The following BOP1 variants were observed in gnomAD, a reference collection of about 807,000 sequenced individuals.
The protein encoded by BOP1 is ribosome biogenesis protein BOP1.
Under a neutral mutation model 82.9 loss-of-function variants are expected in BOP1, and 54 were observed. That is an observed-to-expected ratio of 0.65 (90% confidence interval 0.52 to 0.82). The LOEUF is 0.82. BOP1 is among the 40% of genes least tolerant of loss of function. BOP1 has a pLI of 0.00. For synonymous variants in BOP1, 566 were observed against 451.1 expected (o/e 1.25, Z -3.23); for missense variants, 1,170 against 1,072.0 (o/e 1.09, Z -1.28).
At position 144,263,226 on chromosome 8, in the gene BOP1, C is replaced by A; in HGVS notation, c.1600G>T (p.Gly534Trp). ...QVGLRLRICH[G>W]KPVTQVTWHG... Reference sequence around the variant, plus strand: ...CCCCAAGGCGCCCCACGTACCTTCCCGTGGCAGATGCGCAGCCGCAGGCCC... The same window carrying A: ...CCCCAAGGCGCCCCACGTACCTTCCAGTGGCAGATGCGCAGCCGCAGGCCC... The change falls in exon 12 of 16, where the codon GGG becomes TGG. Residue 534 changes from glycine to tryptophan, a missense_variant. By Grantham distance (184) the Gly-to-Trp change is radical. Transcript: ENST00000569669. 6.3e-7 allele frequency: 1 copy of A among 1,594,802 alleles called. No individual in the cohort carries two copies.
At chr8:144,276,568 G>A (rs1015226884) in intron 2 of BOP1, among the ~76,000 whole-genome samples, 12 of 152,114 alleles carry the variant, frequency 7.9e-5, no homozygotes, top group Admixed American at 2.0e-4. Context: ...GGGCTGACAC[G>A]GGTGTCAGGC....
At chr8:144,278,771 C>T (rs1363147676) in intron 2 of BOP1, among the ~76,000 whole-genome samples, 4 of 152,210 alleles carry the variant, frequency 2.6e-5, no homozygotes, top group African/African-American at 7.2e-5. Flanking sequence ...CCACGCTAGC[C>T]GCAGGGTGCC....
chr8:144,273,162 G>A (rs1287235218), intron 3 of BOP1, among the ~76,000 whole-genome samples: 2 of 152,258 alleles, frequency 1.3e-5, no homozygotes, highest in African/African-American at 2.4e-5. Flanking sequence ...GGGCCAGGAC[G>A]CGGGGGCGGG....
chr8:144,288,426 G>T (rs1814942499), intron 2 of BOP1, among the ~76,000 whole-genome samples: 1 of 150,780 alleles, frequency 6.6e-6, no homozygotes, highest in Admixed American at 6.6e-5. Flanking sequence ...TACTAGAGAG[G>T]CTGAGGCAGG....
Position 144,264,976 on chromosome 8 carries a change from G to T in BOP1, c.486C>A (p.Pro162=), listed in dbSNP as rs1845323693. 1.9e-6 allele frequency: 3 copies of T among 1,612,308 alleles called. No homozygotes were observed. The African/African-American group carries it at 4.0e-5, about 22-fold the overall frequency. Residue 162 remains proline, a synonymous_variant, in exon 4 of 16, where the codon CCC becomes CCA. Transcript: ENST00000569669. ...YDLDGRRIYK[P]LRTRDELDQF... is the part of the protein sequence containing the mutation. ...GGTCCAGCTCATCCCGGGTCCGCAGGGGCTTGTAGATGCGCCTGCCATCCA... is the reference window on the plus strand; with the variant it reads ...GGTCCAGCTCATCCCGGGTCCGCAGTGGCTTGTAGATGCGCCTGCCATCCA...
intron 2 of BOP1, among the ~76,000 whole-genome samples, chr8:144,285,696 A>G (rs1814847326): frequency 6.6e-6 from 1 of 152,238 alleles, no homozygotes; most frequent in Non-Finnish European, 1.5e-5. Context: ...TGATTCTAGA[A>G]GCCGCTCAAC....
At chr8:144,286,055 G>C (rs1302006959) in intron 2 of BOP1, among the ~76,000 whole-genome samples, 1 of 152,232 alleles carries the variant, frequency 6.6e-6, no homozygotes, top group Non-Finnish European at 1.5e-5. Context: ...CTGCACAATG[G>C]GAAAGGACTC....
chr8:144,290,707 A>ACAAAG (rs1815033181), intron 1 of BOP1, among the ~76,000 whole-genome samples: 1 of 152,216 alleles, frequency 6.6e-6, no homozygotes, highest in Admixed American at 6.5e-5. Context: ...AATTCGCTTC[A>ACAAAG]CAAAGCAATG....
chr8:144,289,024 G>T, intron 2 of BOP1, 71 bp downstream of exon 2: 2 of 1,517,230 alleles, frequency 1.3e-6, no homozygotes, highest in Non-Finnish European at 1.8e-6. Flanking sequence ...GCAGTACAGT[G>T]GCAGTCTCAG....
chr8:144,267,057 C>G, intron 3 of BOP1: 1 of 1,481,744 alleles, frequency 6.7e-7, no homozygotes. Flanking sequence ...CCGGGCCCGC[C>G]TTCTTCCACG....
At chr8:144,286,692 G>C (rs1814886553) in intron 2 of BOP1, among the ~76,000 whole-genome samples, 1 of 152,214 alleles carries the variant, frequency 6.6e-6, no homozygotes, top group African/African-American at 2.4e-5. Flanking sequence ...GCAGGGACTT[G>C]GGCAGCCAGC....
chr8:144,290,035 A>G (rs984012624), intron 1 of BOP1, among the ~76,000 whole-genome samples: 4 of 152,276 alleles, frequency 2.6e-5, no homozygotes, highest in Admixed American at 2.0e-4. Flanking sequence ...CACTGGCCTT[A>G]AAGGGTGGAA....
chr8:144,268,016 C>T (rs35563162), intron 3 of BOP1: 441 of 1,545,544 alleles, frequency 2.9e-4, no homozygotes, highest in Non-Finnish European at 3.6e-4. Context: ...CGCTGGCCAC[C>T]TGAGATGGCA....
In BOP1 at chr8:144,264,497, A is replaced by G. The variant is rs1845310623; in HGVS notation, c.765+18T>C. On this transcript the variant is annotated intron_variant, in intron 6 of 15. Transcript: ENST00000569669. ...GGGCGGTCAGCCCAGGCCAAGCCCC[A>G]GGGGCTGTGTGCCCCACCTTCTCCT... 6.2e-7 allele frequency: 1 copy of G among 1,608,996 alleles called. No homozygotes were observed. The highest frequency in any genetic ancestry group is 1.1e-5 in the South Asian group (1 of 90,704).
In BOP1 at chr8:144,262,897, A is replaced by T; in HGVS notation, c.1850T>A (p.Met617Lys). The stretch of plus-strand genomic sequence containing the variant: ...GCTGGACACCCACTTGCAGTTGGGC[A>T]TCAGCTTCTTGGTGAGCTCCTGGCG... ...LLRQELTKKL[M>K]PNCKWVSSLA... The change falls in exon 13 of 16, where the codon ATG (methionine) becomes AAG (lysine). Residue 617 changes from methionine (M) to lysine (K), a missense_variant. By Grantham distance (95) the Met-to-Lys change is moderately conservative. Coordinates refer to ENST00000569669, the MANE Select transcript of BOP1 (RefSeq NM_015201.5). 1 of 1,499,302 alleles carries T rather than the reference A, an allele frequency of 6.7e-7. No individual in the cohort carries two copies. The highest frequency in any genetic ancestry group is 1.4e-5 in the African/African-American group (1 of 70,810). 92.9% of individuals were successfully genotyped at this position (1,499,302 alleles called of 1,614,324 possible).
chr8:144,285,404 T>G (rs1368704258), intron 2 of BOP1, among the ~76,000 whole-genome samples: 2 of 152,052 alleles, frequency 1.3e-5, no homozygotes, highest in Admixed American at 1.3e-4. Flanking sequence ...TGCCAACCAC[T>G]GTGGAGGAAA....
In BOP1 at chr8:144,263,517, C is replaced by T; in HGVS notation, c.1385G>A (p.Trp462Ter). The change falls in exon 11 of 16, where the codon TGG becomes TAG. Residue 462 changes from tryptophan (W) to a stop codon, truncating the protein, a stop_gained. Coordinates refer to ENST00000569669, the MANE Select transcript of BOP1 (RefSeq NM_015201.5). LOFTEE classifies it high-confidence loss of function. ...PVGGVVKSVAWNPSPAVCLVA... is the reference protein window; with the variant it reads ...PVGGVVKSVA ...CAGGCAGACAGCGGGGCTGGGGTTC[C>T]AGGCCACACTCTTCACCACGCCCCC... The T allele has an allele frequency of 6.3e-7, 1 of 1,599,390 alleles. No homozygotes were observed. The highest frequency in any genetic ancestry group is 8.5e-7 in the Non-Finnish European group (1 of 1,179,700).
Position 144,264,829 on chromosome 8 carries a change from C to G in BOP1, c.548G>C (p.Arg183Pro). 1 of 1,608,998 alleles carries G rather than the reference C, an allele frequency of 6.2e-7. No homozygotes were observed. The highest frequency in any genetic ancestry group is 1.3e-5 in the African/African-American group (1 of 74,938). The change falls in exon 5 of 16, where the codon CGC becomes CCC. Residue 183 changes from arginine (R) to proline (P), a missense_variant and splice_region_variant. Physicochemically the swap from Arg to Pro is moderately radical, Grantham distance 103. Coordinates refer to ENST00000569669, the MANE Select transcript of BOP1 (RefSeq NM_015201.5). Reference protein sequence around the residue: ...LDKMDDPDYWRTVQDPMTGRD... With the variant: ...LDKMDDPDYWPTVQDPMTGRD... ...CCCTGTCATCGGGTCCTGCACGGTG[C>G]GCCTGGAGACCGCCAGTCAGACCCC...
At chr8:144,281,168 G>A (rs1405376660) in intron 2 of BOP1, among the ~76,000 whole-genome samples, 12 of 86,300 alleles carry the variant, frequency 1.4e-4, no homozygotes, top group African/African-American at 4.6e-4. Flanking sequence ...CAGGTCTTCG[G>A]CCTTCCCTCA....
Sources: allele counts gnomAD v4.1 joint callset (sites outside exome capture counted in the v4.1 genomes callset), GRCh38; gene constraint gnomAD v4.1.1; transcripts MANE v1.5; gene names NCBI Gene and HGNC (gene_info 2026-07-23, HGNC 2026-07-21).